FNBP1L: variants seen among roughly 807,000 people sequenced by gnomAD.
The protein encoded by FNBP1L is formin binding protein 1 like, also known as formin-binding protein 1-like.
A neutral mutation model predicts 91.2 loss-of-function variants in FNBP1L; 36 were observed. The ratio of observed to expected loss-of-function variants is 0.39; its 90% CI spans 0.30 to 0.52. The LOEUF is 0.52. Among genes scored for constraint, FNBP1L ranks in the 20% least tolerant of loss-of-function variants. The pLI is 0.66. For synonymous variants in FNBP1L, 242 were observed against 237.0 expected, an observed-to-expected ratio of 1.02 and a Z score of -0.19; for missense variants, 571 against 732.1, an observed-to-expected ratio of 0.78 and a Z score of 2.54.
At chr1:93,479,082 G>A (rs903852326) in intron 1 of FNBP1L, among the ~76,000 whole-genome samples, 7 of 152,114 alleles carry the variant, frequency 4.6e-5, no homozygotes, top group African/African-American at 1.2e-4. Flanking sequence ...TTTCCCTGTC[G>A]GCCGGTCTGA....
At chr1:93,530,247 T>C (rs140312641) in intron 6 of FNBP1L, among the ~76,000 whole-genome samples, 145 of 152,294 alleles carry the variant, frequency 9.5e-4, no homozygotes, top group African/African-American at 3.3e-3. Context: ...CACTGTTGAA[T>C]GTTGCATTAT....
intron 1 of FNBP1L, among the ~76,000 whole-genome samples, chr1:93,465,334 C>T (rs1669037552): frequency 6.6e-6 from 1 of 152,014 alleles, no homozygotes; most frequent in Non-Finnish European, 1.5e-5. Context: ...TGTATTTCTC[C>T]TAATGCTATC....
In FNBP1L at chr1:93,451,613, T is replaced by G. The variant is rs892100102; in HGVS notation, c.24+3308T>G. Among the ~76,000 whole-genome samples the G allele has an allele frequency of 2.0e-5, 3 of 152,156 alleles. No homozygotes were observed. The East Asian group carries it at 5.8e-4, about 29-fold the overall frequency. On this transcript the variant is annotated intron_variant, in intron 1 of 16. Coordinates refer to ENST00000271234, the MANE Select transcript of FNBP1L (RefSeq NM_001164473.3). Reference sequence around the variant, plus strand: ...TAATCTTTGGCCCTTAGTTTAAGAATGTGTAATTTAAAAGCCATTGTTATT... The same window carrying G: ...TAATCTTTGGCCCTTAGTTTAAGAAGGTGTAATTTAAAAGCCATTGTTATT...
intron 1 of FNBP1L, among the ~76,000 whole-genome samples, chr1:93,472,001 TAGC>T (rs1669304071): frequency 6.6e-6 from 1 of 152,176 alleles, no homozygotes; most frequent in Non-Finnish European, 1.5e-5. Flanking sequence ...TGCTGTTAAT[TAGC>T]AGTACAGAAA....
chr1:93,489,264 A>G (rs1050310817), intron 1 of FNBP1L, among the ~76,000 whole-genome samples: 3 of 152,086 alleles, frequency 2.0e-5, no homozygotes, highest in Non-Finnish European at 4.4e-5. Flanking sequence ...AAGCTGTATA[A>G]AGGTGGATAT....
intron 1 of FNBP1L, among the ~76,000 whole-genome samples, chr1:93,465,811 G>C (rs1669056055): frequency 6.6e-6 from 1 of 152,286 alleles, no homozygotes; most frequent in Admixed American, 6.5e-5. Flanking sequence ...CTAATTTACA[G>C]TCCCACCAAC....
intron 1 of FNBP1L, among the ~76,000 whole-genome samples, chr1:93,477,360 A>G (rs143762411): frequency 1.3e-5 from 2 of 152,370 alleles, no homozygotes; most frequent in Non-Finnish European, 2.9e-5. Flanking sequence ...TACAGTGTTT[A>G]TAAGCAACAA....
chr1:93,549,720 T>C (rs537831752), intron 15 of FNBP1L, among the ~76,000 whole-genome samples: 2 of 152,340 alleles, frequency 1.3e-5, no homozygotes, highest in African/African-American at 4.8e-5. Context: ...ACTGTGCACA[T>C]GTCCTAAACA....
At position 93,544,093 on chromosome 1, in the gene FNBP1L, G is replaced by A; in HGVS notation, c.1165-14G>A. On this transcript the variant is annotated splice_polypyrimidine_tract_variant and intron_variant, in intron 11 of 16. Transcript: ENST00000271234. Reference sequence around the variant, plus strand: ...CGAAAATGTCTATTATAATGATTTAGATTCTCTTTTCAGGGCCCAGCACTA... The same window carrying A: ...CGAAAATGTCTATTATAATGATTTAAATTCTCTTTTCAGGGCCCAGCACTA... 6.4e-7 allele frequency: 1 copy of A among 1,567,172 alleles called. No individual in the cohort carries two copies. The highest frequency in any genetic ancestry group is 8.7e-7 in the Non-Finnish European group (1 of 1,155,452).
At chr1:93,503,405 G>T (rs919402395) in intron 2 of FNBP1L, among the ~76,000 whole-genome samples, 1 of 152,110 alleles carries the variant, frequency 6.6e-6, no homozygotes, top group Non-Finnish European at 1.5e-5. Flanking sequence ...TGAGATTTGG[G>T]TAAGGACACA....
At chr1:93,505,950 T>G (rs1480284350) in intron 2 of FNBP1L, among the ~76,000 whole-genome samples, 1 of 152,200 alleles carries the variant, frequency 6.6e-6, no homozygotes. Context: ...GTGCTGGGAT[T>G]ACAGGCGTGA....
intron 9 of FNBP1L, 136 bp downstream of exon 9, chr1:93,535,044 C>G: frequency 1.4e-6 from 1 of 715,396 alleles, no homozygotes; most frequent in Non-Finnish European, 2.3e-6. Context: ...TAACCTTTCA[C>G]TTATATTAGG....
At chr1:93,486,990 A>C (rs1669933297) in intron 1 of FNBP1L, among the ~76,000 whole-genome samples, 1 of 152,160 alleles carries the variant, frequency 6.6e-6, no homozygotes. Flanking sequence ...AATTCCTTAA[A>C]AGTGATGTCC....
chr1:93,518,177 T>G (rs1671197416), intron 2 of FNBP1L, among the ~76,000 whole-genome samples: 1 of 152,218 alleles, frequency 6.6e-6, no homozygotes, highest in African/African-American at 2.4e-5. Flanking sequence ...GGCATTTTTA[T>G]TTAACTCTTC....
At chr1:93,474,010 C>G (rs773978267) in intron 1 of FNBP1L, among the ~76,000 whole-genome samples, 1 of 152,068 alleles carries the variant, frequency 6.6e-6, no homozygotes, top group Non-Finnish European at 1.5e-5. Flanking sequence ...TTTGGGAGGC[C>G]GAGGCTGGTG....
At chr1:93,507,036 A>G (rs1221521701) in intron 2 of FNBP1L, among the ~76,000 whole-genome samples, 1 of 147,304 alleles carries the variant, frequency 6.8e-6, no homozygotes, top group Non-Finnish European at 1.5e-5. Context: ...CATGAAGCCA[A>G]AGTACATAGA....
chr1:93,498,755 C>T (rs942891657), intron 1 of FNBP1L, among the ~76,000 whole-genome samples: 6 of 152,284 alleles, frequency 3.9e-5, no homozygotes, highest in African/African-American at 1.4e-4. Flanking sequence ...CCTTGTAGGA[C>T]AGTGGTACTC....
At chr1:93,510,031 G>C (rs1343867750) in intron 2 of FNBP1L, among the ~76,000 whole-genome samples, 9 of 152,192 alleles carry the variant, frequency 5.9e-5, no homozygotes, top group Non-Finnish European at 1.2e-4. Context: ...AGCCAGGCTG[G>C]GGGAGGGGCG....
intron 1 of FNBP1L, among the ~76,000 whole-genome samples, chr1:93,477,052 G>A (rs1669521485): frequency 6.6e-6 from 1 of 152,182 alleles, no homozygotes; most frequent in Admixed American, 6.5e-5. Context: ...CAGAATCAGT[G>A]CCCGTAATAT....
Sources: gnomAD v4.1 joint callset for allele counts (sites outside exome capture counted in the v4.1 genomes callset) on GRCh38, gnomAD v4.1.1 for gene constraint, MANE v1.5 for transcripts, NCBI Gene and HGNC (gene_info 2026-07-23, HGNC 2026-07-21) for gene names.